Variants in ZNF717 observed in about 807,000 individuals in gnomAD.
ZNF717 encodes zinc finger protein 717, also known as krueppel-like factor X17.
Under a neutral mutation model 13.8 loss-of-function variants are expected in ZNF717, and 9 were observed. That is an observed-to-expected ratio of 0.65 (90% CI 0.39 to 1.14). The LOEUF is 1.14. Among genes scored for constraint, ZNF717 ranks in the 50% most tolerant of loss-of-function variants. ZNF717 has a pLI of 0.01. For synonymous variants in ZNF717, 327 were observed against 364.1 expected, an observed-to-expected ratio of 0.90 and a Z score of 1.16; for missense variants, 1,040 against 1,080.7, an observed-to-expected ratio of 0.96 and a Z score of 0.53.
At chr3:75,756,876 A>T (rs899861573) in intron 2 of ZNF717, among the ~76,000 whole-genome samples, 8 of 152,110 alleles carry the variant, frequency 5.3e-5, no homozygotes, top group African/African-American at 1.4e-4. Context: ...GGGTTTCTCC[A>T]CGTTGGTCAC....
chr3:75,739,542 A>C (rs2107143171), intron 4 of ZNF717, among the ~76,000 whole-genome samples, 197 bp from the exon 5 acceptor site: 1 of 152,324 alleles, frequency 6.6e-6, no homozygotes, highest in Admixed American at 6.5e-5. Flanking sequence ...TCTAATGTTC[A>C]ATTGAGTTTT....
chr3:75,763,617 GAGTA>G (rs1189633185), intron 2 of ZNF717, among the ~76,000 whole-genome samples: 1 of 152,196 alleles, frequency 6.6e-6, no homozygotes, highest in Non-Finnish European at 1.5e-5. Context: ...AATTAGGGCA[GAGTA>G]AGTGCTAGTT....
chr3:75,714,577 G>T (rs1402174576), intron 5 of ZNF717, among the ~76,000 whole-genome samples: 3 of 151,860 alleles, frequency 2.0e-5, no homozygotes, highest in Admixed American at 1.3e-4. Context: ...TATTACACTG[G>T]AACAGCTCTT....
intron 2 of ZNF717, among the ~76,000 whole-genome samples, chr3:75,747,231 G>A (rs1379370804): frequency 6.6e-6 from 1 of 152,006 alleles, no homozygotes; most frequent in Non-Finnish European, 1.5e-5. Context: ...CTCTGTTTTG[G>A]TACCAGTACC....
chr3:75,783,138 C>G (rs556509866), intron 2 of ZNF717, among the ~76,000 whole-genome samples, 168 bp downstream of exon 2: 12 of 152,326 alleles, frequency 7.9e-5, no homozygotes, highest in African/African-American at 2.9e-4. Context: ...TTAGACAACT[C>G]TAAGCTCTTA....
At chr3:75,749,469 G>C (rs62246620) in intron 2 of ZNF717, among the ~76,000 whole-genome samples, 12,160 of 149,640 alleles carry the variant, frequency 0.081, 806 homozygotes, top group African/African-American at 0.17. Flanking sequence ...TACGATTCCG[G>C]AACACCGCTG....
At chr3:75,699,832 T>C (rs1305304864) in intron 6 of ZNF717, among the ~76,000 whole-genome samples, 7 of 152,422 alleles carry the variant, frequency 4.6e-5, no homozygotes, top group Non-Finnish European at 7.3e-5. Flanking sequence ...TACAAATCAG[T>C]AGGATTTCTA....
At chr3:75,712,903 T>G (rs542811706) in intron 5 of ZNF717, among the ~76,000 whole-genome samples, 1 of 151,818 alleles carries the variant, frequency 6.6e-6, no homozygotes, top group Admixed American at 6.6e-5. Flanking sequence ...ACATTTTTTC[T>G]TATTAAAAAT....
intron 1 of ZNF717, 178 bp downstream of exon 1, chr3:75,785,206 C>CT (rs765867439): frequency 6.6e-6 from 1 of 152,268 alleles, no homozygotes; most frequent in Non-Finnish European, 1.5e-5. Context: ...GATGGGCAAA[C>CT]TGAGCGTCAT....
Position 75,739,325 on chromosome 3 carries a change from G to C in ZNF717, c.298C>G (p.Leu100Val). ...RLSAVQIIDD[L>V]IERSHESHDR... Reference sequence around the variant, plus strand: ...TGACTTTCATGGCTCCTTTCAATAAGGTCATCAATGATCTGGACAGCTGAA... The same window carrying C: ...TGACTTTCATGGCTCCTTTCAATAACGTCATCAATGATCTGGACAGCTGAA... Residue 100 changes from leucine (L) to valine (V), a missense_variant, in exon 5 of 5, where the codon CTT becomes GTT. Coordinates refer to ENST00000652011, the MANE Select transcript of ZNF717 (RefSeq NM_001290208.3). The C allele has an allele frequency of 6.7e-7, 1 of 1,482,852 alleles. No individual in the cohort carries two copies. Among genetic ancestry groups the C allele is most frequent in the African/African-American group, 1.4e-5 (1 of 71,058 alleles). 91.9% of individuals were successfully genotyped at this position (1,482,852 alleles called of 1,614,324 possible).
intron 4 of ZNF717, among the ~76,000 whole-genome samples, chr3:75,721,664 T>C (rs1938169459): frequency 6.6e-6 from 1 of 152,138 alleles, no homozygotes; most frequent in South Asian, 2.1e-4. Flanking sequence ...ATAAAGCAAA[T>C]AACTTTTTTT....
At chr3:75,779,154 T>C (rs1293144629) in intron 2 of ZNF717, among the ~76,000 whole-genome samples, 1 of 150,562 alleles carries the variant, frequency 6.6e-6, no homozygotes, top group Non-Finnish European at 1.5e-5. Flanking sequence ...GGGAGTGACG[T>C]GCGAAAACCG....
chr3:75,740,086 G>GT (rs1327121249), intron 4 of ZNF717, among the ~76,000 whole-genome samples: 4 of 140,298 alleles, frequency 2.9e-5, no homozygotes, highest in Admixed American at 7.3e-5. Flanking sequence ...TTCGAAAAGT[G>GT]TATTTCTGGT....
intron 1 of ZNF717, among the ~76,000 whole-genome samples, chr3:75,784,615 T>A (rs1945038885): frequency 6.6e-6 from 1 of 152,200 alleles, no homozygotes; most frequent in Admixed American, 6.5e-5. Context: ...TTCAGGCCCC[T>A]TCAAATAAGG....
chr3:75,711,009 A>C lies in ZNF717; in HGVS notation n.975T>G, dbSNP rs73841534. 3.3e-5 allele frequency: 5 copies of C among 152,202 alleles called. 1 individual carries two copies. The highest frequency in any genetic ancestry group is 3.2e-3 in the Middle Eastern group (1 of 316). The allele number at this position is 152,202 out of a possible 1,614,324, so 9.4% of individuals were successfully genotyped here. A position where few individuals can be genotyped will look rare whatever the true frequency, so the allele number is the denominator to read the frequency against. ...CTTAAAGTTTTTGGGCCTGCCAGGA[A>C]GTGACAATTTTTACTCATTCACTGT... On this transcript the variant is annotated non_coding_transcript_exon_variant, in exon 6 of 6. Coordinates refer to the ZNF717 transcript ENST00000491507.
chr3:75,709,011 T>C (rs1455622380), downstream of ZNF717, among the ~76,000 whole-genome samples: 3 of 151,354 alleles, frequency 2.0e-5, no homozygotes, highest in East Asian at 1.9e-4. Context: ...TCTTTTCTTT[T>C]TTTTTTTTAG....
rs569813237 is a variant in ZNF717 at position 75,774,295 on chromosome 3, A to T, written c.57+9011T>A. 1.8e-4 allele frequency among the ~76,000 whole-genome samples: 27 copies of T among 152,082 alleles called. No individual in the cohort carries two copies. In the South Asian group the frequency reaches 5.4e-3, roughly 30 times the overall value. ...CCCTTTAAAAATTTTTTAAGTCATGATTTTAGGTAAATGAATGACTTACGG... is the reference window on the plus strand; with the variant it reads ...CCCTTTAAAAATTTTTTAAGTCATGTTTTTAGGTAAATGAATGACTTACGG... On this transcript the variant is annotated intron_variant, in intron 2 of 4. Coordinates refer to ENST00000652011, the MANE Select transcript of ZNF717 (RefSeq NM_001290208.3).
chr3:75,775,906 T>C (rs959239341), intron 2 of ZNF717, among the ~76,000 whole-genome samples: 43 of 151,720 alleles, frequency 2.8e-4, no homozygotes, highest in Non-Finnish European at 5.7e-4. Flanking sequence ...AACTGGTTTA[T>C]AAAACTGCTA....
In ZNF717 at chr3:75,737,340, A is replaced by G; in HGVS notation, c.2283T>C (p.Asn761=). Residue 761 remains asparagine, a synonymous_variant, in exon 5 of 5, where the codon AAT becomes AAC. Transcript: ENST00000652011. Reference sequence around the variant, plus strand: ...TGTGACAAAAGGTTTTCCCACACTCATTACATTCATAAGGTTTTTCTCCGG... The same window carrying G: ...TGTGACAAAAGGTTTTCCCACACTCGTTACATTCATAAGGTTTTTCTCCGG... ...THTGEKPYEC[N]ECGKTFCHKS... is the part of the protein sequence containing the mutation. 6.4e-7 allele frequency: 1 copy of G among 1,552,556 alleles called. No homozygotes were observed. The highest frequency in any genetic ancestry group is 1.2e-5 in the South Asian group (1 of 84,088).
Sources: gnomAD v4.1 joint callset for allele counts (sites outside exome capture counted in the v4.1 genomes callset) on GRCh38, gnomAD v4.1.1 for gene constraint, MANE v1.5 for transcripts, NCBI Gene and HGNC (gene_info 2026-07-23, HGNC 2026-07-21) for gene names.